The following LUZP2 variants were observed in gnomAD, a reference collection of about 807,000 sequenced individuals.
LUZP2 encodes leucine zipper protein 2.
Under a neutral mutation model 51.6 loss-of-function variants are expected in LUZP2, and 52 were observed. That is an observed-to-expected ratio of 1.01 (90% CI 0.81 to 1.27). The LOEUF (loss-of-function observed/expected upper bound fraction) is 1.27. LUZP2 is among the 50% of genes most tolerant of loss of function. The pLI is 0.00. For synonymous variants in LUZP2, 154 were observed against 137.3 expected (o/e 1.12, Z -0.85); for missense variants, 436 against 395.4 (o/e 1.10, Z -0.87).
At chr11:24,602,010 A>T (rs942055034) in intron 1 of LUZP2, among the ~76,000 whole-genome samples, 1 of 141,128 alleles carries the variant, frequency 7.1e-6, no homozygotes, top group Non-Finnish European at 1.5e-5. Context: ...ATATATATGT[A>T]TATATGTATA....
intron 5 of LUZP2, among the ~76,000 whole-genome samples, chr11:24,852,725 C>CT (rs1442320485): frequency 1.3e-5 from 2 of 152,022 alleles, no homozygotes; most frequent in African/African-American, 4.8e-5. Flanking sequence ...TTGTAGGCCT[C>CT]TAAGAACTTG....
At chr11:24,790,173 T>C (rs1236753733) in intron 5 of LUZP2, among the ~76,000 whole-genome samples, 1 of 152,192 alleles carries the variant, frequency 6.6e-6, no homozygotes, top group African/African-American at 2.4e-5. Context: ...TAGCCTACAT[T>C]GCACACAGCT....
At chr11:24,755,803 G>A (rs771082944) in intron 4 of LUZP2, among the ~76,000 whole-genome samples, 1 of 152,004 alleles carries the variant, frequency 6.6e-6, no homozygotes, top group Non-Finnish European at 1.5e-5. Context: ...GTGTAACATC[G>A]CATGACAAAT....
chr11:24,640,943 GTATATC>G (rs1855256196), intron 1 of LUZP2, among the ~76,000 whole-genome samples: 1 of 148,484 alleles, frequency 6.7e-6, no homozygotes, highest in South Asian at 2.1e-4. Flanking sequence ...GTATGTATGT[GTATATC>G]TATATCTGTA....
chr11:24,853,415 T>C (rs964502002), intron 5 of LUZP2, among the ~76,000 whole-genome samples: 4 of 151,956 alleles, frequency 2.6e-5, no homozygotes, highest in Non-Finnish European at 1.5e-5. Context: ...TCGATTCAGC[T>C]ATTGATACTT....
intron 10 of LUZP2, among the ~76,000 whole-genome samples, chr11:25,054,637 AC>A (rs1451363908): frequency 6.6e-6 from 1 of 152,130 alleles, no homozygotes; most frequent in African/African-American, 2.4e-5. Flanking sequence ...ACTGACACAA[AC>A]ATGAGTTCAT....
chr11:25,004,341 T>C (rs1311393938), intron 9 of LUZP2, among the ~76,000 whole-genome samples: 2 of 152,168 alleles, frequency 1.3e-5, no homozygotes, highest in Non-Finnish European at 2.9e-5. Flanking sequence ...GCCTGCTCCA[T>C]TTTCTGTCCT....
At chr11:24,573,390 T>A (rs1042945615) in intron 1 of LUZP2, among the ~76,000 whole-genome samples, 1 of 152,068 alleles carries the variant, frequency 6.6e-6, no homozygotes, top group Non-Finnish European at 1.5e-5. Context: ...TAAACTTTTA[T>A]TTAAAGTTTT....
In LUZP2 at chr11:24,669,582, C is replaced by T. The variant is rs544606605; in HGVS notation, c.63-59587C>T. Among the ~76,000 whole-genome samples the T allele has an allele frequency of 3.3e-5, 5 of 151,930 alleles. No homozygotes were observed. In the East Asian group the frequency reaches 9.7e-4, roughly 29 times the overall value. ...GTGTTCTGGGCTGTGAAAATGGTCA[C>T]TCTCAGATATTTAAACATATTTAGA... On this transcript the variant is annotated intron_variant, in intron 1 of 11. Coordinates refer to ENST00000336930, the MANE Select transcript of LUZP2 (RefSeq NM_001009909.4).
At chr11:24,661,185 C>T (rs753242747) in intron 1 of LUZP2, among the ~76,000 whole-genome samples, 2 of 151,928 alleles carry the variant, frequency 1.3e-5, no homozygotes, top group Admixed American at 6.6e-5. Context: ...TGCTCTAATA[C>T]TCTAAAAATA....
intron 5 of LUZP2, among the ~76,000 whole-genome samples, chr11:24,902,594 A>G (rs1384763750): frequency 6.6e-6 from 1 of 152,218 alleles, no homozygotes; most frequent in Non-Finnish European, 1.5e-5. Flanking sequence ...CTTGACAGAC[A>G]GATCCTGATC....
intron 5 of LUZP2, among the ~76,000 whole-genome samples, chr11:24,817,885 A>G (rs985809587): frequency 3.0e-4 from 46 of 152,096 alleles, no homozygotes; most frequent in African/African-American, 1.1e-3. Flanking sequence ...ATTTTCATGT[A>G]TTATGAACAT....
At chr11:24,712,776 T>A (rs1262222348) in intron 1 of LUZP2, among the ~76,000 whole-genome samples, 2 of 152,238 alleles carry the variant, frequency 1.3e-5, no homozygotes, top group Non-Finnish European at 2.9e-5. Flanking sequence ...TTTGTCAATG[T>A]ATTCAGCATA....
chr11:25,019,461 T>C (rs1406069875), intron 9 of LUZP2, among the ~76,000 whole-genome samples: 1 of 152,158 alleles, frequency 6.6e-6, no homozygotes, highest in Non-Finnish European at 1.5e-5. Flanking sequence ...TATAGATACA[T>C]ACCATAAACA....
chr11:24,682,388 G>A (rs7394676), intron 1 of LUZP2, among the ~76,000 whole-genome samples: 1,627 of 151,206 alleles, frequency 0.011, 16 homozygotes, highest in Non-Finnish European at 0.018. Flanking sequence ...CTAGCTACTC[G>A]GGAGGCTGAG....
intron 1 of LUZP2, among the ~76,000 whole-genome samples, chr11:24,700,859 T>C (rs917521960): frequency 6.6e-6 from 1 of 151,976 alleles, no homozygotes; most frequent in African/African-American, 2.4e-5. Flanking sequence ...GATATATATA[T>C]GATGAATGTA....
intron 1 of LUZP2, among the ~76,000 whole-genome samples, chr11:24,542,790 G>A (rs906928808): frequency 2.0e-5 from 3 of 151,776 alleles, no homozygotes; most frequent in African/African-American, 7.3e-5. Flanking sequence ...CTTTTTTGGT[G>A]ACAATCAATG....
intron 10 of LUZP2, among the ~76,000 whole-genome samples, chr11:25,072,119 G>T (rs1165328670): frequency 1.3e-5 from 2 of 152,178 alleles, no homozygotes; most frequent in South Asian, 4.1e-4. Flanking sequence ...ATAATTAGTA[G>T]GTGAAAGAAC....
intron 5 of LUZP2, among the ~76,000 whole-genome samples, chr11:24,876,669 G>A (rs535886458): frequency 5.9e-5 from 9 of 151,826 alleles, no homozygotes; most frequent in South Asian, 4.2e-4. Flanking sequence ...ATGGCATTGA[G>A]TCTATAAATT....
Sources: allele counts gnomAD v4.1 joint callset (sites outside exome capture counted in the v4.1 genomes callset), GRCh38; gene constraint gnomAD v4.1.1; transcripts MANE v1.5; gene names NCBI Gene and HGNC (gene_info 2026-07-23, HGNC 2026-07-21).